Variants in LSM5 observed in about 807,000 individuals in gnomAD.
The protein encoded by LSM5 is LSM5 homolog, U6 small nuclear RNA and mRNA degradation associated, also known as U6 snRNA-associated Sm-like protein LSm5.
A neutral mutation model predicts 13.8 loss-of-function variants in LSM5; 8 were observed. The observed-to-expected ratio is 0.58, with a 90% CI of 0.34 to 1.04. The LOEUF (loss-of-function observed/expected upper bound fraction) is 1.04. Ranked by LOEUF, LSM5 falls within the 50% of genes least tolerant of loss-of-function variation. LSM5 has a pLI of 0.03. For missense variants in LSM5, 80 were observed against 108.1 expected (o/e 0.74, Z 1.15); for synonymous variants, 35 against 37.0 (o/e 0.95, Z 0.20).
chr7:32,487,474 G>A (rs956073357), intron 4 of LSM5, 181 bp from the exon 5 acceptor site: 7 of 664,204 alleles, frequency 1.1e-5, no homozygotes, highest in South Asian at 1.8e-5. Context: ...TCTCAACAGC[G>A]ATTAAAAGTT....
chr7:32,489,652 C>T (rs1466993878), intron 1 of LSM5: 4 of 313,060 alleles, frequency 1.3e-5, no homozygotes, highest in African/African-American at 6.8e-5. Flanking sequence ...GGAAACTCTC[C>T]GGTCACTGCT....
At chr7:32,488,220 T>C in intron 3 of LSM5, 2 of 202,530 alleles carry the variant, frequency 9.9e-6, no homozygotes, top group Non-Finnish European at 2.0e-5. Flanking sequence ...AAATTTTTTA[T>C]AGAGACAGGG....
rs760600432 is a variant in LSM5, at chr7:32,490,366, G to A, written c.-1C>T. ...GGTTGGTAGTAGCGTTAGCCGCCAT[G>A]GCTACGCCGGAAGTGGCCTGCCTTC... is the stretch of plus-strand genomic sequence containing the variant. On this transcript the variant is annotated 5_prime_UTR_variant, in exon 1 of 5. Coordinates refer to ENST00000450169, the MANE Select transcript of LSM5 (RefSeq NM_012322.3). 1.2e-6 allele frequency: 2 copies of A among 1,613,338 alleles called. No individual in the cohort carries two copies. The highest frequency in any genetic ancestry group is 1.7e-6 in the Non-Finnish European group (2 of 1,179,222).
upstream of LSM5, among the ~76,000 whole-genome samples, chr7:32,491,500 A>G (rs1786586823): frequency 6.6e-6 from 1 of 152,090 alleles, no homozygotes; most frequent in South Asian, 2.1e-4. Context: ...ATTCCTTCAT[A>G]GACTGAGTTC....
At chr7:32,490,611 G>T, upstream of LSM5, 1 of 549,214 alleles carries the variant, frequency 1.8e-6, no homozygotes, top group Non-Finnish European at 3.4e-6. Flanking sequence ...TTGGAGAGAC[G>T]TTGAAGATAT....
upstream of LSM5, among the ~76,000 whole-genome samples, chr7:32,492,264 G>A (rs1017898582): frequency 6.6e-6 from 1 of 152,140 alleles, no homozygotes; most frequent in Non-Finnish European, 1.5e-5. Flanking sequence ...AGTGGCTCAC[G>A]CCTATAATCC....
rs1401691571 is a variant in LSM5, at chr7:32,487,189, G to A, written c.*72C>T. 2 of 1,360,070 alleles carry A rather than the reference G, an allele frequency of 1.5e-6. No individual in the cohort carries two copies. The highest frequency in any genetic ancestry group is 2.1e-6 in the Non-Finnish European group (2 of 954,118). The allele number at this position is 1,360,070 out of a possible 1,614,324, so 84.3% of individuals were successfully genotyped here. A position where few individuals can be genotyped will look rare whatever the true frequency, so the allele number is the denominator to read the frequency against. ...CTTTATGGGATTTAAACATTAGAAA[G>A]TGGGAAAAAAAATTCCATTTTCTTG... On this transcript the variant is annotated 3_prime_UTR_variant, in exon 5 of 5. Coordinates refer to ENST00000450169, the MANE Select transcript of LSM5 (RefSeq NM_012322.3).
upstream of LSM5, among the ~76,000 whole-genome samples, chr7:32,492,792 T>C (rs1252752097): frequency 6.6e-6 from 1 of 152,190 alleles, no homozygotes; most frequent in African/African-American, 2.4e-5. Context: ...TTTTTCTCCC[T>C]TTAAGTCTTA....
intron 3 of LSM5, chr7:32,488,012 C>T (rs777749980): frequency 4.1e-5 from 17 of 418,574 alleles, no homozygotes; most frequent in African/African-American, 8.2e-5. Context: ...TGAAAGCTTG[C>T]CCAGGAAATC....
At chr7:32,487,883 T>G in intron 3 of LSM5, 126 bp from the exon 4 acceptor site, 1 of 601,910 alleles carries the variant, frequency 1.7e-6, no homozygotes, top group Non-Finnish European at 3.0e-6. Context: ...AGCAATTATA[T>G]CCACAATTTT....
rs765144658 is a variant in LSM5 at position 32,489,365 on chromosome 7, A to AT, written c.47-22dup. 2.3e-6 allele frequency: 3 copies of AT among 1,327,918 alleles called. No individual in the cohort carries two copies. In the South Asian group the frequency reaches 3.7e-5, roughly 16 times the overall value. The allele number at this position is 1,327,918 out of a possible 1,614,324, so 82.3% of individuals were successfully genotyped here. Reference sequence around the variant, plus strand: ...AAGCTCTGAGGAGGGAAAAAATATTATTTTACCATTCATTATTTCAACAAA... The same window carrying AT: ...AAGCTCTGAGGAGGGAAAAAATATTATTTTTACCATTCATTATTTCAACAAA... On this transcript the variant is annotated intron_variant, in intron 1 of 4. Coordinates refer to ENST00000450169, the MANE Select transcript of LSM5 (RefSeq NM_012322.3).
rs1200561698 is a variant in LSM5 at position 32,486,996 on chromosome 7, G to C, written c.*265C>G. ...AAGTGGCAAAATAACTACAAACTTT[G>C]TTCCACTGGCTACTGCAGTAGAATA... On this transcript the variant is annotated 3_prime_UTR_variant, in exon 5 of 5. Transcript: ENST00000450169. 4 of 465,684 alleles carry C rather than the reference G, an allele frequency of 8.6e-6. No individual in the cohort carries two copies. Among genetic ancestry groups the C allele is most frequent in the Non-Finnish European group, 1.5e-5 (4 of 266,028 alleles). The allele number at this position is 465,684 out of a possible 1,614,324, so 28.8% of individuals were successfully genotyped here.
chr7:32,489,365 AT>A, intron 1 of LSM5, 21 bp from the exon 2 acceptor site: 2 of 1,328,028 alleles, frequency 1.5e-6, no homozygotes, highest in Non-Finnish European at 2.2e-6. Context: ...AAAAAATATT[AT>A]TTTACCATTC....
At chr7:32,493,542 CTTT>C (rs1362368797), upstream of LSM5, among the ~76,000 whole-genome samples, 6 of 35,664 alleles carry the variant, frequency 1.7e-4, no homozygotes, top group Non-Finnish European at 3.8e-4. Context: ...CTCTCTCTCC[CTTT>C]CTTTATTTTT....
At chr7:32,490,032 A>G in intron 1 of LSM5, 22 of 1,397,868 alleles carry the variant, frequency 1.6e-5, no homozygotes, top group Non-Finnish European at 2.1e-5. Context: ...TACCTATAAC[A>G]CTGCAGAGGC....
chr7:32,493,586 C>T (rs1478362774), upstream of LSM5, among the ~76,000 whole-genome samples: 1 of 152,134 alleles, frequency 6.6e-6, no homozygotes, highest in African/African-American at 2.4e-5. Context: ...GTCATCTGGG[C>T]TGGAGAGCAG....
At position 32,487,169 on chromosome 7, in the gene LSM5, T is replaced by A; in HGVS notation, c.*92A>T. On this transcript the variant is annotated 3_prime_UTR_variant, in exon 5 of 5. Transcript: ENST00000450169. ...CCCTTTAACGGGAAACTTAGCTTTA[T>A]GGGATTTAAACATTAGAAAGTGGGA... 1 of 1,116,942 alleles carries A rather than the reference T, an allele frequency of 9.0e-7. No individual in the cohort carries two copies. Among genetic ancestry groups the A allele is most frequent in the South Asian group, 1.3e-5 (1 of 75,942 alleles). The allele number at this position is 1,116,942 out of a possible 1,614,324, so 69.2% of individuals were successfully genotyped here.
chr7:32,486,502 A>G lies in LSM5; in HGVS notation c.*759T>C, dbSNP rs954268472. 1 of 152,164 alleles carries G rather than the reference A, an allele frequency of 6.6e-6. No homozygotes were observed. The highest frequency in any genetic ancestry group is 2.4e-5 in the African/African-American group (1 of 41,422). 9.4% of individuals were successfully genotyped at this position (152,164 alleles called of 1,614,324 possible). A position where few individuals can be genotyped will look rare whatever the true frequency, so the allele number is the denominator to read the frequency against. On this transcript the variant is annotated 3_prime_UTR_variant, in exon 5 of 5. Coordinates refer to ENST00000450169, the MANE Select transcript of LSM5 (RefSeq NM_012322.3). Reference sequence around the variant, plus strand: ...TTTTTAATAGGAGTTCTTTGACTTAATTTATACAGTTCAATGATCTTATTA... The same window carrying G: ...TTTTTAATAGGAGTTCTTTGACTTAGTTTATACAGTTCAATGATCTTATTA...
At chr7:32,491,135 A>G (rs1389845034), upstream of LSM5, among the ~76,000 whole-genome samples, 1 of 152,094 alleles carries the variant, frequency 6.6e-6, no homozygotes, top group Admixed American at 6.5e-5. Context: ...AGTGGTAACG[A>G]CTGTAATCCC....
Sources: gnomAD v4.1 joint callset for allele counts (sites outside exome capture counted in the v4.1 genomes callset) on GRCh38, gnomAD v4.1.1 for gene constraint, MANE v1.5 for transcripts, NCBI Gene and HGNC (gene_info 2026-07-23, HGNC 2026-07-21) for gene names.